Variants in LRRC75B observed in about 807,000 individuals in gnomAD.
LRRC75B encodes the protein leucine-rich repeat-containing protein 75B.
In LRRC75B, 20 loss-of-function variants were observed where a neutral mutation model predicts 16.5. The observed-to-expected ratio is 1.21, with a 90% CI of 0.85 to 1.76. The LOEUF (loss-of-function observed/expected upper bound fraction) is 1.76. Ranked by LOEUF, LRRC75B falls within the 40% of genes most tolerant of loss-of-function variation. The pLI is 0.00. For synonymous variants in LRRC75B, 199 were observed against 198.1 expected (o/e 1.00, Z -0.04); for missense variants, 406 against 417.0 (o/e 0.97, Z 0.23).
intron 2 of LRRC75B, chr22:24,588,908 G>C: frequency 1.0e-6 from 1 of 1,003,486 alleles, no homozygotes; most frequent in Non-Finnish European, 1.2e-6. Context: ...CAGAGGCCCA[G>C]CTCAGGGTGG....
chr22:24,588,237 C>T lies in LRRC75B; in HGVS notation c.399G>A (p.Leu133=), dbSNP rs373411944. 933 of 1,613,254 alleles carry T rather than the reference C, an allele frequency of 5.8e-4. 1 individual carries two copies. The highest frequency in any genetic ancestry group is 7.7e-4 in the Non-Finnish European group (904 of 1,179,782). The stretch of plus-strand genomic sequence containing the variant: ...ACCAGCTCTGGGTCTTCCTCTGGCG[C>T]AGGCTGGACCCTTGCTGCTGCTTCG... ...PHSKQQQGSS[L]RQRKTQSCLK... Residue 133 remains leucine (L), a synonymous_variant, in exon 3 of 4, where the codon CTG becomes CTA. Coordinates refer to ENST00000318753, the MANE Select transcript of LRRC75B (RefSeq NM_207644.3).
chr22:24,588,629 G>A (rs551705099), intron 2 of LRRC75B: 15 of 1,096,688 alleles, frequency 1.4e-5, no homozygotes, highest in South Asian at 4.5e-5. Flanking sequence ...CCAGCGTCTC[G>A]GGCTATCAGC....
intron 2 of LRRC75B, chr22:24,589,225 C>A (rs1342446968): frequency 1.6e-6 from 2 of 1,257,944 alleles, no homozygotes; most frequent in East Asian, 6.9e-5. Flanking sequence ...ATGCTCATGG[C>A]AGGACATCTG....
intron 3 of LRRC75B, among the ~76,000 whole-genome samples, 159 bp from the exon 4 acceptor site, chr22:24,586,570 T>C (rs966980607): frequency 6.6e-6 from 1 of 152,238 alleles, no homozygotes; most frequent in African/African-American, 2.4e-5. Flanking sequence ...TCGCTCTTTT[T>C]GTCCAGGCTG....
intron 3 of LRRC75B, among the ~76,000 whole-genome samples, 164 bp downstream of exon 3, chr22:24,588,050 A>G (rs2045451064): frequency 6.6e-6 from 1 of 152,140 alleles, no homozygotes; most frequent in South Asian, 2.1e-4. Context: ...AGCATCTGCT[A>G]CCACGGGCCA....
In LRRC75B at chr22:24,588,330, C is replaced by T. The variant is rs1324418334; in HGVS notation, c.307-1G>A. ...CCGAGGACTTCCAGAGCTCATAGTC[C>T]TGTGGGAGGGCAGTGTCACCATGGT... is the stretch of plus-strand genomic sequence containing the variant. On this transcript the variant is annotated splice_acceptor_variant, in intron 2 of 3. Coordinates refer to ENST00000318753, the MANE Select transcript of LRRC75B (RefSeq NM_207644.3). LOFTEE classifies it high-confidence loss of function. 10 of 1,609,020 alleles carry T rather than the reference C, an allele frequency of 6.2e-6. No individual in the cohort carries two copies. Among genetic ancestry groups the T allele is most frequent in the Admixed American group, 5.0e-5 (3 of 59,860 alleles).
chr22:24,588,424 G>T, intron 2 of LRRC75B, 95 bp from the exon 3 acceptor site: 6 of 978,950 alleles, frequency 6.1e-6, no homozygotes, highest in Non-Finnish European at 7.9e-6. Context: ...GTGTGTGTGT[G>T]AGCACAGTCA....
chr22:24,591,699 C>A (rs1397778129), intron 1 of LRRC75B, among the ~76,000 whole-genome samples: 1 of 152,220 alleles, frequency 6.6e-6, no homozygotes, highest in Non-Finnish European at 1.5e-5. Context: ...AGGCAGCATC[C>A]CAGACTGAGA....
At position 24,589,213 on chromosome 22, in the gene LRRC75B, C is replaced by T. The variant is rs550322538; in HGVS notation, c.306+608G>A. 59 of 1,249,540 alleles carry T rather than the reference C, an allele frequency of 4.7e-5. No homozygotes were observed. The Middle Eastern group carries it at 8.9e-4, about 19-fold the overall frequency. The allele number at this position is 1,249,540 out of a possible 1,614,324, so 77.4% of individuals were successfully genotyped here. A position where few individuals can be genotyped will look rare whatever the true frequency, so the allele number is the denominator to read the frequency against. ...ACAGCCACACATCCTGGGGCTGTGTCGATGCTCATGGCAGGACATCTGCAG... is the reference window on the plus strand; with the variant it reads ...ACAGCCACACATCCTGGGGCTGTGTTGATGCTCATGGCAGGACATCTGCAG... On this transcript the variant is annotated intron_variant, in intron 2 of 3. Coordinates refer to ENST00000318753, the MANE Select transcript of LRRC75B (RefSeq NM_207644.3).
intron 2 of LRRC75B, chr22:24,588,609 G>T (rs924792352): frequency 7.9e-6 from 8 of 1,016,544 alleles, no homozygotes; most frequent in African/African-American, 1.6e-5. Context: ...CCCTGTCCTC[G>T]GGCCCAGGGC....
intron 2 of LRRC75B, 30 bp downstream of exon 2, chr22:24,589,791 C>G: frequency 6.3e-7 from 1 of 1,593,406 alleles, no homozygotes. Flanking sequence ...CCACAGTGCC[C>G]AGCCCAGGGC....
chr22:24,590,608 T>C (rs1173154488), intron 1 of LRRC75B, among the ~76,000 whole-genome samples: 1 of 152,210 alleles, frequency 6.6e-6, no homozygotes, highest in East Asian at 1.9e-4. Context: ...GCTCTTCTTA[T>C]GACCCCTCAA....
chr22:24,592,672 T>G (rs2147177157), intron 1 of LRRC75B, 191 bp downstream of exon 1: 4 of 1,049,076 alleles, frequency 3.8e-6, no homozygotes, highest in Non-Finnish European at 5.1e-6. Context: ...GGTCGCCCTC[T>G]CGCCCACGCA....
chr22:24,590,054 C>G, intron 1 of LRRC75B, 105 bp from the exon 2 acceptor site: 5 of 1,323,872 alleles, frequency 3.8e-6, no homozygotes, highest in Non-Finnish European at 5.0e-6. Flanking sequence ...GTCTCTCCAT[C>G]TCCTCCCTAA....
intron 3 of LRRC75B, among the ~76,000 whole-genome samples, 189 bp downstream of exon 3, chr22:24,588,025 C>T (rs903531368): frequency 4.6e-5 from 7 of 152,150 alleles, no homozygotes; most frequent in Non-Finnish European, 7.4e-5. Context: ...TCAGAGGGTG[C>T]AGCTTGGCTT....
At position 24,588,600 on chromosome 22, in the gene LRRC75B, C is replaced by T. The variant is rs544730222; in HGVS notation, c.307-271G>A. 1.3e-4 allele frequency: 126 copies of T among 978,504 alleles called. No individual in the cohort carries two copies. In the African/African-American group the frequency reaches 2.0e-3, roughly 15 times the overall value. The allele number at this position is 978,504 out of a possible 1,614,324, so 60.6% of individuals were successfully genotyped here. On this transcript the variant is annotated intron_variant, in intron 2 of 3. Transcript: ENST00000318753. ...AAGCCCAGACAATGAGCCCTTGTTCCCTGTCCTCGGGCCCAGGGCCAGCGT... is the reference window on the plus strand; with the variant it reads ...AAGCCCAGACAATGAGCCCTTGTTCTCTGTCCTCGGGCCCAGGGCCAGCGT...
At position 24,586,058 on chromosome 22, in the gene LRRC75B, AGGGGCT is replaced by A. The variant is rs1425543269; in HGVS notation, c.770_775del (p.Gln257_Pro258del). 6.2e-7 allele frequency: 1 copy of A among 1,611,992 alleles called. No homozygotes were observed. Among genetic ancestry groups the A allele is most frequent in the Non-Finnish European group, 8.5e-7 (1 of 1,179,918 alleles). Reference sequence around the variant, plus strand: ...CAGCCGCCGGCGCAGGCCGACCAGCAGGGGCTGGGGCAGGGAAGCCACATCCACGTT... The same window carrying A: ...CAGCCGCCGGCGCAGGCCGACCAGCAGGGGCAGGGAAGCCACATCCACGTT... On this transcript the variant is annotated inframe_deletion, in exon 4 of 4. Coordinates refer to ENST00000318753, the MANE Select transcript of LRRC75B (RefSeq NM_207644.3).
At chr22:24,592,369 T>C (rs965078433) in intron 1 of LRRC75B, 3 of 470,676 alleles carry the variant, frequency 6.4e-6, no homozygotes, top group African/African-American at 6.0e-5. Flanking sequence ...GGGGTGAGGC[T>C]GCATCCCTAG....
At chr22:24,587,855 C>T (rs952243453) in intron 3 of LRRC75B, among the ~76,000 whole-genome samples, 10 of 152,166 alleles carry the variant, frequency 6.6e-5, no homozygotes, top group Non-Finnish European at 1.2e-4. Flanking sequence ...CTGCCTCCCC[C>T]GCAACCTGTT....
Sources: allele counts gnomAD v4.1 joint callset (sites outside exome capture counted in the v4.1 genomes callset), GRCh38; gene constraint gnomAD v4.1.1; transcripts MANE v1.5; gene names NCBI Gene and HGNC (gene_info 2026-07-23, HGNC 2026-07-21).